The following PLCL1 variants were observed in gnomAD, a reference collection of about 807,000 sequenced individuals.
The protein encoded by PLCL1 is phospholipase C like 1 (inactive), also known as inactive phospholipase C-like protein 1.
A neutral mutation model predicts 84.4 loss-of-function variants in PLCL1; 41 were observed. The observed-to-expected ratio is 0.49, with a 90% CI of 0.38 to 0.63. The LOEUF is 0.63. Ranked by LOEUF, PLCL1 falls within the 30% of genes least tolerant of loss-of-function variation. The pLI is 0.00. For synonymous variants in PLCL1, 490 were observed against 488.3 expected (o/e 1.00, Z -0.05); for missense variants, 1,206 against 1,367.8 (o/e 0.88, Z 1.87).
intron 1 of PLCL1, among the ~76,000 whole-genome samples, chr2:198,023,304 A>G (rs952539256): frequency 6.6e-6 from 1 of 152,240 alleles, no homozygotes; most frequent in Non-Finnish European, 1.5e-5. Context: ...CCCTAGAAGA[A>G]AACCTAGGCA....
In PLCL1 at chr2:198,048,418, G is replaced by A. The variant is rs566837711; in HGVS notation, c.241-35340G>A. Among the ~76,000 whole-genome samples, 430 of 152,266 alleles carry A rather than the reference G, an allele frequency of 2.8e-3. 2 individuals carry two copies. Among genetic ancestry groups the A allele is most frequent in the Non-Finnish European group, 4.9e-3 (336 of 68,016 alleles). ...CTGTATTAGTCCATTTTATGTTGCT[G>A]TAAAAAATGCCTGAGACTGGGTAAT... On this transcript the variant is annotated intron_variant, in intron 1 of 5. Coordinates refer to ENST00000428675, the MANE Select transcript of PLCL1 (RefSeq NM_006226.4).
intron 1 of PLCL1, among the ~76,000 whole-genome samples, chr2:197,809,979 A>G (rs193006749): frequency 1.0e-3 from 159 of 152,314 alleles, no homozygotes; most frequent in Non-Finnish European, 1.9e-3. Flanking sequence ...TTCTCTACAA[A>G]TATGTGTTAA....
At chr2:197,985,232 G>C (rs762137932) in intron 1 of PLCL1, among the ~76,000 whole-genome samples, 1 of 152,206 alleles carries the variant, frequency 6.6e-6, no homozygotes, top group African/African-American at 2.4e-5. Flanking sequence ...AGCGTGTGAA[G>C]TCTCAGTTTC....
At chr2:197,935,420 A>G (rs891739289) in intron 1 of PLCL1, among the ~76,000 whole-genome samples, 4 of 152,196 alleles carry the variant, frequency 2.6e-5, no homozygotes, top group African/African-American at 9.6e-5. Context: ...ATAGGATGCT[A>G]TTAATATGTA....
intron 1 of PLCL1, among the ~76,000 whole-genome samples, chr2:197,958,468 T>C (rs1025832757): frequency 1.3e-5 from 2 of 152,068 alleles, no homozygotes; most frequent in South Asian, 2.1e-4. Context: ...CCACAGGCCA[T>C]GGGTTAGACA....
At chr2:198,119,845 C>T (rs1346083539) in intron 5 of PLCL1, among the ~76,000 whole-genome samples, 1 of 151,928 alleles carries the variant, frequency 6.6e-6, no homozygotes, top group Non-Finnish European at 1.5e-5. Flanking sequence ...TAGGAGAAAG[C>T]AGAGGATTAC....
At chr2:197,833,666 G>C (rs984618108) in intron 1 of PLCL1, among the ~76,000 whole-genome samples, 1 of 152,040 alleles carries the variant, frequency 6.6e-6, no homozygotes, top group Non-Finnish European at 1.5e-5. Flanking sequence ...AAATAAGAGA[G>C]GACACAAACA....
intron 1 of PLCL1, among the ~76,000 whole-genome samples, chr2:197,974,390 A>G (rs1344498567): frequency 6.6e-6 from 1 of 152,236 alleles, no homozygotes; most frequent in Non-Finnish European, 1.5e-5. Flanking sequence ...CATCTTGAGC[A>G]TGTGCTACTT....
intron 1 of PLCL1, among the ~76,000 whole-genome samples, chr2:198,011,780 T>A (rs1690873899): frequency 2.0e-5 from 3 of 152,128 alleles, no homozygotes; most frequent in Admixed American, 2.0e-4. Context: ...TTTATTTAGG[T>A]GCTGTAATGT....
chr2:197,805,187 G>A lies in PLCL1; in HGVS notation c.88G>A (p.Ala30Thr). Residue 30 changes from alanine (A) to threonine (T), a missense_variant, in exon 1 of 6, where the codon GCC (alanine) becomes ACC (threonine). Coordinates refer to ENST00000428675, the MANE Select transcript of PLCL1 (RefSeq NM_006226.4). The surrounding 1 kb of genome is among the most constrained non-coding windows in gnomAD (Gnocchi z 4.0). Reference protein sequence around the residue: ...EDDPRVGPDAAGDCVTAASGG... With the variant: ...EDDPRVGPDATGDCVTAASGG... ...CGACCCCCGAGTGGGCCCGGATGCC[G>A]CCGGGGACTGCGTGACGGCGGCCTC... 1.6e-6 allele frequency: 2 copies of A among 1,281,192 alleles called. No individual in the cohort carries two copies. The highest frequency in any genetic ancestry group is 2.0e-6 in the Non-Finnish European group (2 of 1,016,262). The allele number at this position is 1,281,192 out of a possible 1,614,324, so 79.4% of individuals were successfully genotyped here.
chr2:198,127,754 A>T (rs1694022477), intron 5 of PLCL1, among the ~76,000 whole-genome samples: 1 of 152,170 alleles, frequency 6.6e-6, no homozygotes, highest in Admixed American at 6.6e-5. Flanking sequence ...AATAAACCAC[A>T]TGGTTTTAGA....
At chr2:197,972,406 G>T (rs1416558898) in intron 1 of PLCL1, among the ~76,000 whole-genome samples, 2 of 152,136 alleles carry the variant, frequency 1.3e-5, no homozygotes, top group Non-Finnish European at 2.9e-5. Flanking sequence ...GAGAAAAGGA[G>T]ATTTTTTTTC....
intron 1 of PLCL1, among the ~76,000 whole-genome samples, chr2:197,889,793 A>T (rs979222400): frequency 1.3e-5 from 2 of 152,166 alleles, no homozygotes; most frequent in Non-Finnish European, 2.9e-5. Flanking sequence ...ATAAATTGAC[A>T]TGTTCTTCCT....
intron 1 of PLCL1, among the ~76,000 whole-genome samples, chr2:197,884,294 A>G (rs1687880142): frequency 1.3e-5 from 2 of 152,344 alleles, no homozygotes; most frequent in South Asian, 2.1e-4. Context: ...GCTCCAAGCC[A>G]TCTTCCTCAT....
chr2:197,805,540 C>G lies in PLCL1; in HGVS notation c.240+201C>G, dbSNP rs1690455440. Among the ~76,000 whole-genome samples the G allele has an allele frequency of 6.6e-6, 1 of 152,162 alleles. No homozygotes were observed. Among genetic ancestry groups the G allele is most frequent in the Non-Finnish European group, 1.5e-5 (1 of 68,024 alleles). On this transcript the variant is annotated intron_variant, in intron 1 of 5. Coordinates refer to ENST00000428675, the MANE Select transcript of PLCL1 (RefSeq NM_006226.4). This position sits in a 1 kb window ranked among gnomAD's most constrained non-coding sequence, Gnocchi z 4.0. The stretch of plus-strand genomic sequence containing the variant: ...GAGACGCACAAGTGACTTTTTCTCC[C>G]CACTGACGGCAGAGGAAAAGTTCCG...
At chr2:198,010,431 T>G (rs1690839816) in intron 1 of PLCL1, among the ~76,000 whole-genome samples, 1 of 152,046 alleles carries the variant, frequency 6.6e-6, no homozygotes, top group African/African-American at 2.4e-5. Flanking sequence ...GATCATTTGG[T>G]TTTTGTCCAT....
rs551732524 is a variant in PLCL1 at position 198,112,833 on chromosome 2, G to A, written c.3105+8897G>A. ...TTCCAGTGGCAGCCAGTTTAGTCTC[G>A]CTCAACCTAGTAAGCCCTCAACTCA... On this transcript the variant is annotated intron_variant, in intron 5 of 5. Coordinates refer to ENST00000428675, the MANE Select transcript of PLCL1 (RefSeq NM_006226.4). Among the ~76,000 whole-genome samples, 8 of 151,894 alleles carry A rather than the reference G, an allele frequency of 5.3e-5. No homozygotes were observed. The East Asian group carries it at 5.9e-4, about 11-fold the overall frequency.
chr2:197,968,179 T>C (rs1689786479), intron 1 of PLCL1, among the ~76,000 whole-genome samples: 1 of 152,246 alleles, frequency 6.6e-6, no homozygotes, highest in African/African-American at 2.4e-5. Context: ...TTATGCTTTT[T>C]AGGAATCCAA....
chr2:197,926,036 C>G (rs570407780), intron 1 of PLCL1, among the ~76,000 whole-genome samples: 11 of 152,270 alleles, frequency 7.2e-5, no homozygotes, highest in African/African-American at 2.6e-4. Context: ...TTGAGGGGGT[C>G]TTGTTTTCCC....
Sources: allele counts gnomAD v4.1 joint callset (sites outside exome capture counted in the v4.1 genomes callset), GRCh38; gene constraint gnomAD v4.1.1; non-coding constraint Gnocchi (gnomAD v3.1); transcripts MANE v1.5; gene names NCBI Gene and HGNC (gene_info 2026-07-23, HGNC 2026-07-21).